CADPS2: variants seen among roughly 807,000 people sequenced by gnomAD.
The protein encoded by CADPS2 is calcium-dependent secretion activator 2.
A neutral mutation model predicts 172.5 loss-of-function variants in CADPS2; 93 were observed. The observed-to-expected ratio is 0.54, with a 90% CI of 0.46 to 0.64. CADPS2 has a LOEUF of 0.64. Ranked by LOEUF, CADPS2 falls within the 30% of genes least tolerant of loss-of-function variation. The pLI is 0.00. For synonymous variants in CADPS2, 546 were observed against 555.2 expected (o/e 0.98, Z 0.23); for missense variants, 1,420 against 1,565.9 (o/e 0.91, Z 1.57).
At chr7:122,655,829 C>A (rs2079695125) in intron 3 of CADPS2, among the ~76,000 whole-genome samples, 1 of 152,016 alleles carries the variant, frequency 6.6e-6, no homozygotes, top group African/African-American at 2.4e-5. Flanking sequence ...GTTTTAAAAT[C>A]AATCAAAAAT....
At chr7:122,850,369 T>A in intron 1 of CADPS2, 1 of 364,674 alleles carries the variant, frequency 2.7e-6, no homozygotes, top group Non-Finnish European at 5.2e-6. Flanking sequence ...CCTAGGGGGG[T>A]GACACCTTCC....
At chr7:122,596,164 A>C (rs1312199732) in intron 6 of CADPS2, among the ~76,000 whole-genome samples, 1 of 152,128 alleles carries the variant, frequency 6.6e-6, no homozygotes. Context: ...CCATGGCCAC[A>C]GTAACAACTA....
At chr7:122,695,406 A>G (rs932745124) in intron 2 of CADPS2, among the ~76,000 whole-genome samples, 1 of 152,230 alleles carries the variant, frequency 6.6e-6, no homozygotes, top group African/African-American at 2.4e-5. Flanking sequence ...AGCCCACAGA[A>G]TAAGTGAAAA....
chr7:122,494,221 C>T (rs143472172), intron 9 of CADPS2, among the ~76,000 whole-genome samples: 1 of 152,150 alleles, frequency 6.6e-6, no homozygotes, highest in African/African-American at 2.4e-5. Context: ...AGCCTGCTGG[C>T]CTTTCTGGAG....
chr7:122,747,126 T>C (rs909624648), intron 1 of CADPS2, among the ~76,000 whole-genome samples: 2 of 152,074 alleles, frequency 1.3e-5, no homozygotes, highest in Non-Finnish European at 2.9e-5. Flanking sequence ...GAGATGACTG[T>C]GGAGGCAGAG....
chr7:122,401,430 T>C (rs2045941223), intron 20 of CADPS2, among the ~76,000 whole-genome samples: 1 of 152,238 alleles, frequency 6.6e-6, no homozygotes, highest in Non-Finnish European at 1.5e-5. Flanking sequence ...CTCCAAGGGT[T>C]TGCGTTTCAG....
intron 9 of CADPS2, among the ~76,000 whole-genome samples, chr7:122,497,802 G>A (rs1190836690): frequency 6.6e-6 from 1 of 152,054 alleles, no homozygotes; most frequent in Non-Finnish European, 1.5e-5. Flanking sequence ...TTGAAAATAT[G>A]TCTTTAATTT....
chr7:122,553,061 T>A (rs1217953589), intron 8 of CADPS2, among the ~76,000 whole-genome samples: 1 of 152,118 alleles, frequency 6.6e-6, no homozygotes, highest in Non-Finnish European at 1.5e-5. Flanking sequence ...GTCTACCTGA[T>A]AAATTTATCC....
intron 7 of CADPS2, among the ~76,000 whole-genome samples, chr7:122,559,735 C>T (rs13236662): frequency 0.35 from 51,027 of 143,916 alleles, 9,368 homozygotes; most frequent in Middle Eastern, 0.45. Context: ...TGTGCCATTG[C>T]ACTCCAGCCT....
At chr7:122,686,552 G>GTTTAC (rs2083650478) in intron 2 of CADPS2, among the ~76,000 whole-genome samples, 2 of 152,200 alleles carry the variant, frequency 1.3e-5, no homozygotes. Context: ...ACTCTGCAGT[G>GTTTAC]AGCTTAAGAA....
At chr7:122,712,439 C>T (rs2088896632) in intron 2 of CADPS2, among the ~76,000 whole-genome samples, 1 of 152,144 alleles carries the variant, frequency 6.6e-6, no homozygotes, top group South Asian at 2.1e-4. Context: ...TATCAAGACC[C>T]TACTATGTGC....
At chr7:122,812,926 C>A (rs190737645) in intron 1 of CADPS2, among the ~76,000 whole-genome samples, 12 of 152,244 alleles carry the variant, frequency 7.9e-5, no homozygotes, top group Admixed American at 3.3e-4. Context: ...GAAAACACAT[C>A]GGATGTTTTT....
rs144453030 is a variant in CADPS2, at chr7:122,405,838, G to C, written c.2746+1702C>G. 3.5e-3 allele frequency among the ~76,000 whole-genome samples: 534 copies of C among 152,248 alleles called. 2 individuals carry two copies. The highest frequency in any genetic ancestry group is 0.012 in the African/African-American group (505 of 41,554). ...ATGAAATGAAATTGGATAGGAGAAT[G>C]AATAAGACTAACAAAATCTACAGTA... On this transcript the variant is annotated intron_variant, in intron 20 of 29. Coordinates refer to ENST00000449022, the MANE Select transcript of CADPS2 (RefSeq NM_017954.11).
At chr7:122,515,767 T>C (rs116675296) in intron 8 of CADPS2, among the ~76,000 whole-genome samples, 2,764 of 152,176 alleles carry the variant, frequency 0.018, 75 homozygotes, top group African/African-American at 0.064. Context: ...TGTATATATA[T>C]GTAACTAACC....
At chr7:122,748,423 G>T (rs780231660) in intron 1 of CADPS2, among the ~76,000 whole-genome samples, 1 of 152,076 alleles carries the variant, frequency 6.6e-6, no homozygotes, top group South Asian at 2.1e-4. Context: ...AGCCATATTT[G>T]CAAGAAACAG....
At chr7:122,387,199 G>GT (rs1213630928) in intron 23 of CADPS2, 26 bp from the exon 24 acceptor site, 1 of 1,560,166 alleles carries the variant, frequency 6.4e-7, no homozygotes, top group Non-Finnish European at 8.7e-7. Flanking sequence ...TGAATTCAGA[G>GT]TAAGAAATTC....
intron 1 of CADPS2, among the ~76,000 whole-genome samples, chr7:122,845,545 C>G (rs1168226035): frequency 1.3e-5 from 2 of 152,178 alleles, no homozygotes; most frequent in Admixed American, 1.3e-4. Context: ...TGGCATCAGT[C>G]TTTCTTGAGT....
intron 1 of CADPS2, among the ~76,000 whole-genome samples, chr7:122,880,448 TGCTTC>T (rs1033907883): frequency 6.6e-6 from 1 of 152,208 alleles, no homozygotes; most frequent in African/African-American, 2.4e-5. Flanking sequence ...TTTTGTTCCT[TGCTTC>T]GAGTATCCCC....
intron 7 of CADPS2, among the ~76,000 whole-genome samples, chr7:122,570,890 G>A (rs563510066): frequency 1.1e-4 from 17 of 152,048 alleles, no homozygotes; most frequent in African/African-American, 3.4e-4. Flanking sequence ...TTGTGAGGTC[G>A]GGGGAGCGGG....
Sources: allele counts gnomAD v4.1 joint callset (sites outside exome capture counted in the v4.1 genomes callset), GRCh38; gene constraint gnomAD v4.1.1; transcripts MANE v1.5; gene names NCBI Gene and HGNC (gene_info 2026-07-23, HGNC 2026-07-21).